RNF150: variants seen among roughly 807,000 people sequenced by gnomAD.
The protein encoded by RNF150 is ring finger protein 150.
Under a neutral mutation model 39.3 loss-of-function variants are expected in RNF150, and 24 were observed. That is an observed-to-expected ratio of 0.61 (90% CI 0.44 to 0.86). RNF150 has a LOEUF of 0.86. RNF150 is among the 40% of genes least tolerant of loss of function. RNF150 has a pLI of 0.00. For synonymous variants in RNF150, 255 were observed against 227.3 expected (o/e 1.12, Z -1.10); for missense variants, 502 against 587.8 (o/e 0.85, Z 1.51).
Position 141,000,087 on chromosome 4 carries a change from G to GAGAAGAAGAAGGAGA in RNF150, c.485-32215_485-32214insTCTCCTTCTTCTTCT, listed in dbSNP as rs1734603871. Among the ~76,000 whole-genome samples, 17 of 35,936 alleles carry GAGAAGAAGAAGGAGA rather than the reference G, an allele frequency of 4.7e-4. 2 individuals are homozygous for GAGAAGAAGAAGGAGA. Among genetic ancestry groups the GAGAAGAAGAAGGAGA allele is most frequent in the Admixed American group, 2.0e-3 (7 of 3,486 alleles). 23.6% of individuals were successfully genotyped at this position (35,936 alleles called of 152,430 possible). A position where few individuals can be genotyped will look rare whatever the true frequency, so the allele number is the denominator to read the frequency against. ...GAAGAAGAAGAAGAAGAAGAAGAAG[G>GAGAAGAAGAAGGAGA]AGAAGAAGAAGAAGAAGAAGAGGAG... On this transcript the variant is annotated intron_variant, in intron 1 of 6. Coordinates refer to ENST00000515673, the MANE Select transcript of RNF150 (RefSeq NM_020724.2).
intron 1 of RNF150, among the ~76,000 whole-genome samples, chr4:141,144,295 C>T (rs920257412): frequency 1.3e-5 from 2 of 152,072 alleles, no homozygotes; most frequent in African/African-American, 4.8e-5. Context: ...GTCATTATTC[C>T]AAAAATATAA....
At chr4:140,999,933 GTCTCAAAAAAA>G (rs1299463262) in intron 1 of RNF150, among the ~76,000 whole-genome samples, 13 of 125,384 alleles carry the variant, frequency 1.0e-4, no homozygotes, top group Middle Eastern at 3.9e-3. Flanking sequence ...GTGAGACTTG[GTCTCAAAAAAA>G]GAAGAAGAAG....
intron 5 of RNF150, among the ~76,000 whole-genome samples, chr4:140,919,848 A>C (rs1411784981): frequency 1.3e-5 from 2 of 152,186 alleles, no homozygotes. Context: ...GATATAGATC[A>C]ATGGAACAGA....
In RNF150 at chr4:140,966,827, C is replaced by A. The variant is rs545669296; in HGVS notation, c.735+796G>T. 5.3e-5 allele frequency among the ~76,000 whole-genome samples: 8 copies of A among 152,216 alleles called. No individual in the cohort carries two copies. In the South Asian group the frequency reaches 1.2e-3, roughly 24 times the overall value. ...TGCCATTGCCCTGGCAACTAAACTT[C>A]CAGGATTTTACCTTGTAGATATACT... On this transcript the variant is annotated intron_variant, in intron 2 of 6. Coordinates refer to ENST00000515673, the MANE Select transcript of RNF150 (RefSeq NM_020724.2).
chr4:141,088,520 T>C (rs1472461657), intron 1 of RNF150, among the ~76,000 whole-genome samples: 1 of 152,182 alleles, frequency 6.6e-6, no homozygotes, highest in Non-Finnish European at 1.5e-5. Flanking sequence ...TTGGTAGGCA[T>C]TGCATTTAAA....
chr4:140,990,749 G>A (rs1370620143), intron 1 of RNF150, among the ~76,000 whole-genome samples: 2 of 152,126 alleles, frequency 1.3e-5, no homozygotes, highest in African/African-American at 4.8e-5. Context: ...ATGGGCATTT[G>A]GGTTAATTCC....
intron 2 of RNF150, among the ~76,000 whole-genome samples, chr4:140,966,199 G>A (rs1733236331): frequency 1.3e-5 from 2 of 152,028 alleles, no homozygotes. Flanking sequence ...AATTAGCCAG[G>A]TGTGGTGGTG....
At position 141,132,608 on chromosome 4, in the gene RNF150, C is replaced by A. The variant is rs1281242910; in HGVS notation, c.201G>T (p.Leu67=). ...GCCCGCACTCCGTCTTCTCCGTGTG[C>A]AGCTCCGCGCCGCCGCCGCCCGCCG... The part of the protein sequence containing the change: ...AGAAGGGGAE[L]HTEKTECGRY... Residue 67 remains leucine (L), a synonymous_variant, in exon 1 of 7, where the codon CTG becomes CTT. Coordinates refer to ENST00000515673, the MANE Select transcript of RNF150 (RefSeq NM_020724.2). The surrounding 1 kb of genome is among the most constrained non-coding windows in gnomAD (Gnocchi z 4.9). 15 of 1,536,710 alleles carry A rather than the reference C, an allele frequency of 9.8e-6. No individual in the cohort carries two copies. The highest frequency in any genetic ancestry group is 1.8e-4 in the Middle Eastern group (1 of 5,472).
intron 2 of RNF150, among the ~76,000 whole-genome samples, chr4:140,958,601 A>C (rs1354679831): frequency 5.9e-5 from 9 of 152,168 alleles, no homozygotes; most frequent in African/African-American, 2.2e-4. Context: ...TCAGGCAATC[A>C]GCATTCTCAA....
rs556025347 is a variant in RNF150 at position 140,862,902 on chromosome 4, G to A, written c.*5359C>T. 3.9e-5 allele frequency: 6 copies of A among 152,140 alleles called. No individual in the cohort carries two copies. Among genetic ancestry groups the A allele is most frequent in the South Asian group, 2.1e-4 (1 of 4,812 alleles). 9.4% of individuals were successfully genotyped at this position (152,140 alleles called of 1,614,324 possible). A position where few individuals can be genotyped will look rare whatever the true frequency, so the allele number is the denominator to read the frequency against. ...GACCAGCTCCCTGATCAGAGATCCT[G>A]CCATCCTCTTTTCTTACTTCCTGCA... On this transcript the variant is annotated 3_prime_UTR_variant, in exon 7 of 7. Transcript: ENST00000515673.
At chr4:140,993,709 G>C (rs775266598) in intron 1 of RNF150, among the ~76,000 whole-genome samples, 1 of 152,156 alleles carries the variant, frequency 6.6e-6, no homozygotes, top group African/African-American at 2.4e-5. Flanking sequence ...GCTAGGAACT[G>C]ATTTTGATAC....
intron 2 of RNF150, among the ~76,000 whole-genome samples, chr4:140,962,081 ACT>A (rs1156404272): frequency 3.6e-5 from 4 of 110,874 alleles, no homozygotes; most frequent in Admixed American, 1.8e-4. Context: ...CTCTCTCTCT[ACT>A]CTCTCTCTCT....
chr4:140,871,167 A>T (rs1728923679), intron 6 of RNF150, among the ~76,000 whole-genome samples: 1 of 152,156 alleles, frequency 6.6e-6, no homozygotes, highest in African/African-American at 2.4e-5. Context: ...AATTGCCTAG[A>T]AAATGAGAAT....
chr4:140,942,768 G>T (rs1732139582), intron 4 of RNF150, among the ~76,000 whole-genome samples: 1 of 152,112 alleles, frequency 6.6e-6, no homozygotes, highest in Non-Finnish European at 1.5e-5. Context: ...TTTTGGATTT[G>T]GATTTTTGGA....
intron 1 of RNF150, among the ~76,000 whole-genome samples, chr4:141,079,403 G>A (rs1351352840): frequency 6.6e-6 from 1 of 152,022 alleles, no homozygotes; most frequent in African/African-American, 2.4e-5. Flanking sequence ...CTTTCTTTGA[G>A]AAGAATATAT....
chr4:141,203,506 G>A (rs928505009), intron 1 of RNF150, among the ~76,000 whole-genome samples: 2 of 151,534 alleles, frequency 1.3e-5, no homozygotes, highest in Non-Finnish European at 2.9e-5. Context: ...ATGTGCTCTG[G>A]TCACCATTTC....
At chr4:140,872,613 A>G (rs1728990787) in intron 6 of RNF150, among the ~76,000 whole-genome samples, 1 of 152,212 alleles carries the variant, frequency 6.6e-6, no homozygotes, top group Non-Finnish European at 1.5e-5. Flanking sequence ...AGATAAGGGG[A>G]CAAATCAAAG....
rs554371466 is a variant in RNF150, at chr4:141,169,390, C to T, written c.-6+43404G>A. Among the ~76,000 whole-genome samples the T allele has an allele frequency of 7.6e-4, 116 of 152,234 alleles. 2 individuals are homozygous for T. In the South Asian group the frequency reaches 0.023, roughly 31 times the overall value. On this transcript the variant is annotated intron_variant, in intron 1 of 7. Coordinates refer to the RNF150 transcript ENST00000420921. ...CTGAGGAACCATGAGCCAATTAAGC[C>T]TCTTTTATTTATAAATTGCCCAGTC... is the stretch of plus-strand genomic sequence containing the variant.
chr4:140,919,060 C>G (rs537846168), intron 5 of RNF150, among the ~76,000 whole-genome samples: 1 of 151,104 alleles, frequency 6.6e-6, no homozygotes, highest in African/African-American at 2.4e-5. Flanking sequence ...CTATCTATGA[C>G]AAACCCACAG....
Sources: gnomAD v4.1 joint callset for allele counts (sites outside exome capture counted in the v4.1 genomes callset) on GRCh38, gnomAD v4.1.1 for gene constraint, Gnocchi (gnomAD v3.1) non-coding constraint, MANE v1.5 for transcripts, NCBI Gene and HGNC (gene_info 2026-07-23, HGNC 2026-07-21) for gene names.